PSMA5: variants seen among roughly 807,000 people sequenced by gnomAD.
PSMA5 encodes proteasome subunit alpha type-5.
Under a neutral mutation model 34.5 loss-of-function variants are expected in PSMA5, and 3 were observed. That is an observed-to-expected ratio of 0.09 (90% CI 0.04 to 0.22). PSMA5 has a LOEUF of 0.22. Among genes scored for constraint, PSMA5 ranks in the 10% least tolerant of loss-of-function variants. The probability of loss-of-function intolerance (pLI) is 1.00; values close to 1 mark genes in which losing one functional copy is unlikely to be tolerated. For missense variants in PSMA5, 120 were observed against 286.1 expected, an observed-to-expected ratio of 0.42 and a Z score of 4.19; for synonymous variants, 88 against 95.8, an observed-to-expected ratio of 0.92 and a Z score of 0.47.
At chr1:109,402,867 G>A (rs747172039) in intron 8 of PSMA5, among the ~76,000 whole-genome samples, 8 of 151,940 alleles carry the variant, frequency 5.3e-5, no homozygotes, top group South Asian at 2.1e-4. Flanking sequence ...CACCACACCC[G>A]GCTAATTTTG....
At chr1:109,404,591 A>G (rs1458597389) in intron 8 of PSMA5, among the ~76,000 whole-genome samples, 1 of 152,248 alleles carries the variant, frequency 6.6e-6, no homozygotes, top group African/African-American at 2.4e-5. Flanking sequence ...GACTGCCTTC[A>G]GGAAGTTGCT....
At chr1:109,423,322 C>T (rs1284215363) in intron 1 of PSMA5, among the ~76,000 whole-genome samples, 1 of 152,136 alleles carries the variant, frequency 6.6e-6, no homozygotes, top group Non-Finnish European at 1.5e-5. Context: ...GCCTGTAATC[C>T]CAGCTACTTG....
At chr1:109,426,060 C>A in intron 1 of PSMA5, 5 of 585,662 alleles carry the variant, frequency 8.5e-6, no homozygotes, top group Non-Finnish European at 1.5e-5. Context: ...AAGCACCAGC[C>A]GGAGCTTCTC....
chr1:109,410,157 C>G (rs1278428014), intron 7 of PSMA5, 143 bp from the exon 8 acceptor site: 1 of 608,116 alleles, frequency 1.6e-6, no homozygotes, highest in Non-Finnish European at 2.9e-6. Context: ...ACAAGTATCT[C>G]CAGAACTCAA....
chr1:109,410,264 A>T (rs1452582784), intron 7 of PSMA5, among the ~76,000 whole-genome samples: 1 of 152,234 alleles, frequency 6.6e-6, no homozygotes, highest in Non-Finnish European at 1.5e-5. Flanking sequence ...GTAATCTTTG[A>T]AGAAGGGGAA....
intron 8 of PSMA5, among the ~76,000 whole-genome samples, chr1:109,407,564 G>A (rs1475685280): frequency 1.3e-5 from 2 of 152,262 alleles, no homozygotes; most frequent in East Asian, 1.9e-4. Context: ...CATGAGTGTG[G>A]TCAACAAATA....
chr1:109,411,440 T>A (rs1653984847), intron 6 of PSMA5, among the ~76,000 whole-genome samples: 1 of 152,160 alleles, frequency 6.6e-6, no homozygotes, highest in African/African-American at 2.4e-5. Flanking sequence ...CTGACTATAG[T>A]AACAAGTTAC....
chr1:109,408,446 T>C (rs763146663), intron 8 of PSMA5, among the ~76,000 whole-genome samples: 4 of 152,234 alleles, frequency 2.6e-5, no homozygotes, highest in African/African-American at 4.8e-5. Flanking sequence ...ACTGCTATTA[T>C]AGAAGTATCA....
chr1:109,421,613 T>C (rs554516507), intron 2 of PSMA5, among the ~76,000 whole-genome samples: 58 of 152,288 alleles, frequency 3.8e-4, no homozygotes, highest in African/African-American at 1.3e-3. Flanking sequence ...AGCACAAATA[T>C]GTCCCTCCAC....
chr1:109,412,116 A>C lies in PSMA5; in HGVS notation c.360T>G (p.Ala120=), dbSNP rs567008991. ...ESVTQAVSNL[A]LQFGEEDADP... ...CTGCATCTTCTTCTCCAAACTGCAA[A>C]GCCAGATTGGACACAGCTTGGGTCA... The change falls in exon 5 of 9, where the codon GCT becomes GCG. Residue 120 remains alanine, a synonymous_variant. Transcript: ENST00000271308. 1 of 1,614,092 alleles carries C rather than the reference A, an allele frequency of 6.2e-7. No individual in the cohort carries two copies. Among genetic ancestry groups the C allele is most frequent in the East Asian group, 2.2e-5 (1 of 44,880 alleles).
chr1:109,422,213 A>G (rs1316126162), intron 1 of PSMA5, among the ~76,000 whole-genome samples: 1 of 152,210 alleles, frequency 6.6e-6, no homozygotes, highest in African/African-American at 2.4e-5. Flanking sequence ...ACTTGGATCC[A>G]TTCTGAATAG....
At chr1:109,412,236 GCCCA>G (rs754338341) in intron 4 of PSMA5, 52 bp from the exon 5 acceptor site, 24 of 1,428,742 alleles carry the variant, frequency 1.7e-5, no homozygotes, top group Non-Finnish European at 7.9e-6. Context: ...CATTAAAGCA[GCCCA>G]CCATCTCACT....
rs1319344800 is a variant in PSMA5, at chr1:109,399,728, G to T, written c.*2285C>A. On this transcript the variant is annotated 3_prime_UTR_variant, in exon 9 of 9. Transcript: ENST00000271308. ...GACATGGTAACTTGCATATGGCACT[G>T]AGAAAATGTTTGAGTGAATATATTT... The T allele has an allele frequency of 6.6e-6, 1 of 152,330 alleles. No homozygotes were observed. The highest frequency in any genetic ancestry group is 2.4e-5 in the African/African-American group (1 of 41,562). 9.4% of individuals were successfully genotyped at this position (152,330 alleles called of 1,614,324 possible).
At chr1:109,424,080 C>A (rs1397888707) in intron 1 of PSMA5, among the ~76,000 whole-genome samples, 2 of 152,146 alleles carry the variant, frequency 1.3e-5, no homozygotes, top group Non-Finnish European at 2.9e-5. Flanking sequence ...TTCATTTATC[C>A]CATATTCTCC....
intron 2 of PSMA5, among the ~76,000 whole-genome samples, chr1:109,421,419 C>T (rs1219708153): frequency 2.0e-5 from 3 of 149,018 alleles, no homozygotes; most frequent in East Asian, 2.0e-4. Flanking sequence ...GCTGAGATCA[C>T]GCCACTGAAC....
At chr1:109,410,915 C>A in intron 7 of PSMA5, 96 bp downstream of exon 7, 1 of 926,812 alleles carries the variant, frequency 1.1e-6, no homozygotes, top group Non-Finnish European at 1.7e-6. Context: ...TTGCAATTGT[C>A]AAAACAGAAC....
At chr1:109,422,601 C>G (rs1654488339) in intron 1 of PSMA5, among the ~76,000 whole-genome samples, 1 of 151,760 alleles carries the variant, frequency 6.6e-6, no homozygotes, top group African/African-American at 2.4e-5. Context: ...GCCTCCCCAG[C>G]AGCTAAGACT....
chr1:109,423,246 C>T (rs1654519158), intron 1 of PSMA5, among the ~76,000 whole-genome samples: 1 of 152,152 alleles, frequency 6.6e-6, no homozygotes, highest in African/African-American at 2.4e-5. Context: ...CGAGACCAGG[C>T]TGGCCAACAA....
chr1:109,419,880 G>A (rs1044299071), intron 2 of PSMA5, among the ~76,000 whole-genome samples: 4 of 151,330 alleles, frequency 2.6e-5, no homozygotes, highest in East Asian at 1.9e-4. Context: ...GGGCTGAGGC[G>A]GGAGGATCAC....
Sources: allele counts gnomAD v4.1 joint callset (sites outside exome capture counted in the v4.1 genomes callset), GRCh38; gene constraint gnomAD v4.1.1; transcripts MANE v1.5; gene names NCBI Gene and HGNC (gene_info 2026-07-23, HGNC 2026-07-21).